The following BIK variants were observed in gnomAD, a reference collection of about 807,000 sequenced individuals.
BIK encodes bcl-2-interacting killer.
A neutral mutation model predicts 12.1 loss-of-function variants in BIK; 14 were observed. That is an observed-to-expected ratio of 1.16 (90% CI 0.77 to 1.81). The LOEUF is 1.81. Ranked by LOEUF, BIK falls within the 40% of genes most tolerant of loss-of-function variation. BIK has a pLI of 0.00. For missense variants in BIK, 215 were observed against 207.9 expected (o/e 1.03, Z -0.21); for synonymous variants, 86 against 92.3 (o/e 0.93, Z 0.39).
chr22:43,116,260 G>C (rs1174747500), intron 1 of BIK, among the ~76,000 whole-genome samples: 2 of 152,104 alleles, frequency 1.3e-5, no homozygotes, highest in African/African-American at 2.4e-5. Context: ...GAACAGGAAA[G>C]GACATAGAAT....
Position 43,129,256 on chromosome 22 carries a change from C to CGCT in BIK, c.443_445dup (p.Leu148dup), listed in dbSNP as rs755054456. Reference sequence around the variant, plus strand: ...CTGCTGGCGCTGCTGCTGCTGCTGGCGCTGCTGCTGCCGCTGCTCAGCGGG... The same window carrying CGCT: ...CTGCTGGCGCTGCTGCTGCTGCTGGCGCTGCTGCTGCTGCCGCTGCTCAGCGGG... On this transcript the variant is annotated inframe_insertion, in exon 5 of 5. Transcript: ENST00000216115. 5 of 1,593,164 alleles carry CGCT rather than the reference C, an allele frequency of 3.1e-6. No individual in the cohort carries two copies. Among genetic ancestry groups the CGCT allele is most frequent in the Admixed American group, 1.7e-5 (1 of 59,540 alleles).
chr22:43,126,415 G>A (rs1204214151), intron 2 of BIK, among the ~76,000 whole-genome samples: 4 of 152,000 alleles, frequency 2.6e-5, no homozygotes, highest in East Asian at 1.9e-4. Context: ...TCGATCTCCT[G>A]ACCTCGTGAT....
chr22:43,112,605 G>A (rs1930033411), intron 1 of BIK, among the ~76,000 whole-genome samples: 1 of 150,202 alleles, frequency 6.7e-6, no homozygotes, highest in Admixed American at 6.7e-5. Context: ...AGGATGTTAA[G>A]ACTAAGATTC....
At chr22:43,119,445 A>G (rs1930177990) in intron 1 of BIK, among the ~76,000 whole-genome samples, 2 of 152,154 alleles carry the variant, frequency 1.3e-5, no homozygotes, top group African/African-American at 4.8e-5. Context: ...GACAACCAGA[A>G]ACTGATAAGA....
Position 43,129,437 on chromosome 22 carries a change from G to T in BIK, c.*132G>T. The T allele has an allele frequency of 7.3e-7, 1 of 1,370,172 alleles. No individual in the cohort carries two copies. Among genetic ancestry groups the T allele is most frequent in the South Asian group, 1.5e-5 (1 of 66,630 alleles). 84.9% of individuals were successfully genotyped at this position (1,370,172 alleles called of 1,614,324 possible). On this transcript the variant is annotated 3_prime_UTR_variant, in exon 5 of 5. Transcript: ENST00000216115. ...TATATTTAAACCCCGAGATAGTGCT[G>T]GAACACTGCTGAGGTTTTATACTCA...
intron 1 of BIK, among the ~76,000 whole-genome samples, chr22:43,113,305 G>T (rs1461672561): frequency 1.3e-5 from 2 of 152,190 alleles, no homozygotes; most frequent in Admixed American, 6.5e-5. Context: ...GTTAGTTATT[G>T]TAAGTTTGTT....
chr22:43,123,054 C>A (rs1383832727), intron 1 of BIK, among the ~76,000 whole-genome samples: 1 of 152,176 alleles, frequency 6.6e-6, no homozygotes, highest in African/African-American at 2.4e-5. Context: ...GTTCTATCAG[C>A]AAGGAGCCAG....
intron 1 of BIK, among the ~76,000 whole-genome samples, chr22:43,114,647 C>T (rs186286234): frequency 1.3e-5 from 2 of 152,266 alleles, no homozygotes; most frequent in Admixed American, 6.5e-5. Flanking sequence ...AGATTAGAGG[C>T]TCCCTTTCAT....
chr22:43,115,524 G>A (rs543709243), intron 1 of BIK, among the ~76,000 whole-genome samples: 19 of 152,008 alleles, frequency 1.2e-4, no homozygotes, highest in Non-Finnish European at 2.5e-4. Flanking sequence ...GTGCAGTGGC[G>A]CGATCTCGGC....
Position 43,113,152 on chromosome 22 carries a change from G to A in BIK, c.-8+2349G>A, listed in dbSNP as rs557608250. Among the ~76,000 whole-genome samples the A allele has an allele frequency of 4.6e-5, 7 of 152,174 alleles. No homozygotes were observed. The South Asian group carries it at 6.2e-4, about 14-fold the overall frequency. The stretch of plus-strand genomic sequence containing the variant: ...CTGGGAGGCAGAGGTTGCACTGAGC[G>A]GAGATCACACCATGGCACTCCAGCC... On this transcript the variant is annotated intron_variant, in intron 1 of 4. Transcript: ENST00000216115.
intron 1 of BIK, among the ~76,000 whole-genome samples, chr22:43,123,657 A>C (rs1930258583): frequency 1.3e-5 from 2 of 152,200 alleles, no homozygotes; most frequent in African/African-American, 4.8e-5. Flanking sequence ...AGGCTGAGGC[A>C]GGAGAATTGC....
intron 1 of BIK, among the ~76,000 whole-genome samples, chr22:43,118,840 G>A (rs572712954): frequency 2.6e-5 from 4 of 152,122 alleles, no homozygotes; most frequent in African/African-American, 9.6e-5. Flanking sequence ...ATCCACCTCT[G>A]CCCCCAACCC....
rs371566011 is a variant in BIK at position 43,129,314 on chromosome 22, C to T, written c.*9C>T. ...ACCTGCTGCTCAAGTGAGGCCCCGG[C>T]GGCTCAGGGCGGGGCTGGCCCCACC... On this transcript the variant is annotated 3_prime_UTR_variant, in exon 5 of 5. Coordinates refer to ENST00000216115, the MANE Select transcript of BIK (RefSeq NM_001197.5). The T allele has an allele frequency of 4.3e-5, 69 of 1,596,652 alleles. 1 individual carries two copies. Among genetic ancestry groups the T allele is most frequent in the South Asian group, 2.3e-4 (21 of 90,782 alleles).
At chr22:43,126,059 C>CT (rs1439929980) in intron 2 of BIK, among the ~76,000 whole-genome samples, 1 of 150,678 alleles carries the variant, frequency 6.6e-6, no homozygotes, top group African/African-American at 2.4e-5. Context: ...GACAGAGTCT[C>CT]TGTCACCCAG....
chr22:43,123,895 G>A (rs553656560), intron 1 of BIK, 121 bp from the exon 2 acceptor site: 9 of 1,043,972 alleles, frequency 8.6e-6, no homozygotes, highest in Admixed American at 5.3e-5. Flanking sequence ...GGATATTGAC[G>A]GCTTTAGCGG....
chr22:43,116,832 G>C (rs1217524785), intron 1 of BIK, among the ~76,000 whole-genome samples: 2 of 152,172 alleles, frequency 1.3e-5, no homozygotes, highest in Non-Finnish European at 2.9e-5. Flanking sequence ...CCAGGTACTT[G>C]GGAAGTTGAG....
intron 2 of BIK, among the ~76,000 whole-genome samples, chr22:43,124,499 G>C (rs376519069): frequency 6.6e-6 from 1 of 152,302 alleles, no homozygotes; most frequent in Admixed American, 6.5e-5. Flanking sequence ...GGCCCTTAGC[G>C]ACCTGCTGAG....
At chr22:43,124,349 C>T (rs896196527) in intron 2 of BIK, among the ~76,000 whole-genome samples, 166 bp downstream of exon 2, 1 of 152,108 alleles carries the variant, frequency 6.6e-6, no homozygotes, top group African/African-American at 2.4e-5. Flanking sequence ...GCCCTGGGAG[C>T]GGCTTCACTT....
At chr22:43,120,304 C>T (rs4988396) in intron 1 of BIK, among the ~76,000 whole-genome samples, 24 of 152,252 alleles carry the variant, frequency 1.6e-4, no homozygotes, top group Admixed American at 3.3e-4. Flanking sequence ...TCTCCTGCCT[C>T]AGCCTCCCAA....
Sources: gnomAD v4.1 joint callset for allele counts (sites outside exome capture counted in the v4.1 genomes callset) on GRCh38, gnomAD v4.1.1 for gene constraint, MANE v1.5 for transcripts, NCBI Gene and HGNC (gene_info 2026-07-23, HGNC 2026-07-21) for gene names.